Variants in SYNJ1 observed in about 807,000 individuals in gnomAD.
SYNJ1 encodes the protein synaptojanin 1.
In SYNJ1, 78 loss-of-function variants were observed where a neutral mutation model predicts 168.2. That is an observed-to-expected ratio of 0.46 (90% CI 0.39 to 0.56). SYNJ1 has a LOEUF of 0.56. Ranked by LOEUF, SYNJ1 falls within the 20% of genes least tolerant of loss-of-function variation. SYNJ1 has a pLI of 0.00. For synonymous variants in SYNJ1, 539 were observed against 548.6 expected (o/e 0.98, Z 0.24); for missense variants, 1,303 against 1,597.6 (o/e 0.82, Z 3.14).
intron 29 of SYNJ1, among the ~76,000 whole-genome samples, chr21:32,640,543 C>T (rs2039788597): frequency 6.6e-6 from 1 of 152,178 alleles, no homozygotes; most frequent in Non-Finnish European, 1.5e-5. Context: ...GATCCACCCG[C>T]CTCGGCCTCC....
rs530503597 is a variant in SYNJ1, at chr21:32,727,860, C to T, written c.-23+86G>A. Reference sequence around the variant, plus strand: ...ACCGCTCCCGCTGACGCTGCGGAGGCAGAGACTGGTCTTGGAGGCGTCCGC... The same window carrying T: ...ACCGCTCCCGCTGACGCTGCGGAGGTAGAGACTGGTCTTGGAGGCGTCCGC... On this transcript the variant is annotated intron_variant, in intron 1 of 32. Transcript: ENST00000674351. The T allele has an allele frequency of 7.1e-4, 1,074 of 1,514,830 alleles. 8 individuals are homozygous for T. In the Middle Eastern group the frequency reaches 0.011, roughly 16 times the overall value. The allele number at this position is 1,514,830 out of a possible 1,614,324, so 93.8% of individuals were successfully genotyped here.
In SYNJ1 at chr21:32,650,363, G is replaced by T; in HGVS notation, c.2875-17C>A. ...ATTCAATAACTAGCGGAGTAAAAGA[G>T]ATATAAAATAAAGATTAACATGAAA... On this transcript the variant is annotated splice_polypyrimidine_tract_variant and intron_variant, in intron 22 of 32. Transcript: ENST00000674351. 1.3e-6 allele frequency: 2 copies of T among 1,579,370 alleles called. No homozygotes were observed. The highest frequency in any genetic ancestry group is 1.7e-6 in the Non-Finnish European group (2 of 1,168,148).
chr21:32,727,130 C>T (rs539968531), intron 1 of SYNJ1, among the ~76,000 whole-genome samples: 1 of 152,166 alleles, frequency 6.6e-6, no homozygotes, highest in Non-Finnish European at 1.5e-5. Context: ...AATTCTCATA[C>T]CAAGGCAAGA....
intron 12 of SYNJ1, 46 bp from the exon 13 acceptor site, chr21:32,676,401 AG>A: frequency 2.5e-6 from 4 of 1,578,860 alleles, no homozygotes; most frequent in Non-Finnish European, 3.5e-6. Context: ...AGTAAAAACA[AG>A]TTACAATTAA....
At chr21:32,720,344 A>G (rs2043175818) in intron 2 of SYNJ1, among the ~76,000 whole-genome samples, 1 of 152,200 alleles carries the variant, frequency 6.6e-6, no homozygotes, top group African/African-American at 2.4e-5. Flanking sequence ...TGGCAGAATA[A>G]GCTTCCAGTA....
intron 4 of SYNJ1, among the ~76,000 whole-genome samples, chr21:32,695,831 T>TTTTTG (rs1455194153): frequency 6.6e-6 from 1 of 150,518 alleles, no homozygotes; most frequent in Admixed American, 6.6e-5. Flanking sequence ...CCGGGCTAAT[T>TTTTTG]TTTTGTTTTG....
chr21:32,639,708 A>C lies in SYNJ1; in HGVS notation c.3660T>G (p.Thr1220=). The C allele has an allele frequency of 6.2e-7, 1 of 1,614,096 alleles. No individual in the cohort carries two copies. The change falls in exon 30 of 33, where the codon ACT becomes ACG. Residue 1220 remains threonine (T), a synonymous_variant. Coordinates refer to ENST00000674351, the MANE Select transcript of SYNJ1 (RefSeq NM_203446.3). Reference sequence around the variant, plus strand: ...CTGATGTTTTGCTTTGGCTTTCAGGAGTCAGTCTTCCAGCAGATGCCCGCG... The same window carrying C: ...CTGATGTTTTGCTTTGGCTTTCAGGCGTCAGTCTTCCAGCAGATGCCCGCG... ...SHARASAGRL[T]PESQSKTSET... is the part of the protein sequence containing the mutation.
chr21:32,645,178 G>A (rs1236170969), intron 25 of SYNJ1, among the ~76,000 whole-genome samples, 172 bp from the exon 26 acceptor site: 1 of 152,070 alleles, frequency 6.6e-6, no homozygotes. Flanking sequence ...TGAAGTAACA[G>A]CACTATATTT....
chr21:32,653,142 T>C (rs550772792), intron 22 of SYNJ1, 146 bp downstream of exon 22: 3 of 638,070 alleles, frequency 4.7e-6, no homozygotes, highest in African/African-American at 1.9e-5. Context: ...CCAGTCTAAA[T>C]AAAAAACATT....
chr21:32,637,406 C>CTTTTTTTTTTT (rs5843562), intron 31 of SYNJ1, among the ~76,000 whole-genome samples: 1 of 100,300 alleles, frequency 1.0e-5, no homozygotes, highest in Non-Finnish European at 1.9e-5. Context: ...TTTCTTTTTT[C>CTTTTTTTTTTT]TTTTTTTTTT....
intron 23 of SYNJ1, 44 bp from the exon 24 acceptor site, chr21:32,646,646 T>C (rs1601266381): frequency 6.7e-7 from 1 of 1,498,238 alleles, no homozygotes; most frequent in East Asian, 2.3e-5. Flanking sequence ...CATTTTAACT[T>C]GCTCAGAGAT....
At chr21:32,718,939 AAAT>A (rs1452583588) in intron 2 of SYNJ1, among the ~76,000 whole-genome samples, 1 of 152,168 alleles carries the variant, frequency 6.6e-6, no homozygotes, top group Non-Finnish European at 1.5e-5. Context: ...CCACCCCTGA[AAAT>A]AATAGCCACA....
intron 22 of SYNJ1, 90 bp from the exon 23 acceptor site, chr21:32,650,436 G>A (rs1295924111): frequency 1.9e-6 from 2 of 1,074,722 alleles, no homozygotes; most frequent in African/African-American, 1.6e-5. Flanking sequence ...ACTATGCAAT[G>A]GTATAGACAG....
Position 32,679,414 on chromosome 21 carries a change from A to G in SYNJ1, c.1354-613T>C, listed in dbSNP as rs79883266. 1.4e-3 allele frequency among the ~76,000 whole-genome samples: 219 copies of G among 152,306 alleles called. 6 individuals carry two copies. The East Asian group carries it at 0.038, about 27-fold the overall frequency. ...TATATTTTGAGTCATTTTATTGCCC[A>G]TGCAAAAATACATCATAAGATAATA... On this transcript the variant is annotated intron_variant, in intron 11 of 32. Transcript: ENST00000674351.
At chr21:32,651,182 T>G (rs1182865192) in intron 22 of SYNJ1, among the ~76,000 whole-genome samples, 1 of 152,262 alleles carries the variant, frequency 6.6e-6, no homozygotes, top group East Asian at 1.9e-4. Context: ...TTTCTAAATT[T>G]AATCTCTCTC....
intron 24 of SYNJ1, 102 bp downstream of exon 24, chr21:32,646,291 G>T (rs896464220): frequency 1.7e-6 from 2 of 1,161,052 alleles, no homozygotes; most frequent in East Asian, 4.7e-5. Flanking sequence ...GAGAAAACAG[G>T]GTGCACTTTA....
intron 11 of SYNJ1, among the ~76,000 whole-genome samples, chr21:32,680,614 A>T (rs1404322129): frequency 6.6e-6 from 1 of 151,768 alleles, no homozygotes; most frequent in Admixed American, 6.6e-5. Context: ...AATTAAGTCC[A>T]TTCTTTTTTT....
At chr21:32,693,064 T>C (rs1028606765) in intron 6 of SYNJ1, among the ~76,000 whole-genome samples, 3 of 151,484 alleles carry the variant, frequency 2.0e-5, no homozygotes, top group African/African-American at 7.3e-5. Context: ...TAAATATAAA[T>C]AAATTAAACA....
intron 19 of SYNJ1, among the ~76,000 whole-genome samples, chr21:32,657,475 T>G (rs1180884843): frequency 6.6e-6 from 1 of 152,204 alleles, no homozygotes; most frequent in Admixed American, 6.5e-5. Context: ...ATTAAAAATT[T>G]CACAAAAATA....
Sources: gnomAD v4.1 joint callset for allele counts (sites outside exome capture counted in the v4.1 genomes callset) on GRCh38, gnomAD v4.1.1 for gene constraint, MANE v1.5 for transcripts, NCBI Gene and HGNC (gene_info 2026-07-23, HGNC 2026-07-21) for gene names.